The following ADGRL2 variants were observed in gnomAD, a reference collection of about 807,000 sequenced individuals.
ADGRL2 encodes the protein calcium-independent alpha-latrotoxin receptor 2.
Under a neutral mutation model 157.4 loss-of-function variants are expected in ADGRL2, and 44 were observed. That is an observed-to-expected ratio of 0.28 (90% CI 0.22 to 0.36). The LOEUF (loss-of-function observed/expected upper bound fraction) is 0.36. Ranked by LOEUF, ADGRL2 falls within the 10% of genes least tolerant of loss-of-function variation. The probability of loss-of-function intolerance (pLI) is 1.00; values close to 1 mark genes in which losing one functional copy is unlikely to be tolerated. For missense variants in ADGRL2, 1,510 were observed against 1,768.9 expected, an observed-to-expected ratio of 0.85 and a Z score of 2.63; for synonymous variants, 585 against 624.7, an observed-to-expected ratio of 0.94 and a Z score of 0.95.
chr1:81,526,882 C>T (rs767931045), intron 2 of ADGRL2, among the ~76,000 whole-genome samples: 2 of 152,202 alleles, frequency 1.3e-5, no homozygotes, highest in Non-Finnish European at 2.9e-5. Context: ...CTAACACAAG[C>T]GCACCTCCTT....
At chr1:81,342,231 A>G (rs1244716819) in intron 1 of ADGRL2, among the ~76,000 whole-genome samples, 1 of 152,352 alleles carries the variant, frequency 6.6e-6, no homozygotes, top group Middle Eastern at 3.4e-3. Context: ...AAATGCCCAA[A>G]TGAATCTACT....
chr1:81,349,329 T>C (rs1192057923), intron 1 of ADGRL2, among the ~76,000 whole-genome samples: 1 of 152,168 alleles, frequency 6.6e-6, no homozygotes, highest in Non-Finnish European at 1.5e-5. Flanking sequence ...TTTGTTTATA[T>C]GGTGTTCAGT....
chr1:81,758,340 C>T (rs1164613802), intron 1 of ADGRL2, among the ~76,000 whole-genome samples: 1 of 152,142 alleles, frequency 6.6e-6, no homozygotes, highest in African/African-American at 2.4e-5. Context: ...AGAGCCAAGT[C>T]AAGACTGAAA....
At chr1:81,438,432 A>G (rs1322500162) in intron 1 of ADGRL2, among the ~76,000 whole-genome samples, 1 of 152,180 alleles carries the variant, frequency 6.6e-6, no homozygotes, top group African/African-American at 2.4e-5. Flanking sequence ...CGTGTTGCTG[A>G]GGGTGTTTTT....
At chr1:81,554,345 C>T (rs2080220715) in intron 2 of ADGRL2, among the ~76,000 whole-genome samples, 2 of 152,166 alleles carry the variant, frequency 1.3e-5, no homozygotes, top group African/African-American at 2.4e-5. Flanking sequence ...CAGTCAAGAT[C>T]TCACTATTCT....
At chr1:81,753,876 C>T (rs1172758309) in intron 1 of ADGRL2, among the ~76,000 whole-genome samples, 1 of 152,088 alleles carries the variant, frequency 6.6e-6, no homozygotes, top group Non-Finnish European at 1.5e-5. Context: ...GAATGTCTTT[C>T]CCTAAAGGCA....
intron 1 of ADGRL2, among the ~76,000 whole-genome samples, chr1:81,379,197 G>C (rs1343041926): frequency 1.3e-5 from 2 of 152,180 alleles, no homozygotes; most frequent in Non-Finnish European, 2.9e-5. Context: ...TCTCCTCAAA[G>C]GGCGGGTGAT....
At chr1:81,971,728 A>C (rs1476427231) in intron 16 of ADGRL2, 124 bp from the exon 17 acceptor site, 1 of 570,286 alleles carries the variant, frequency 1.8e-6, no homozygotes. Context: ...TGCACATGAT[A>C]AATGAATCTT....
chr1:81,759,008 A>T (rs1438818171), intron 1 of ADGRL2, among the ~76,000 whole-genome samples: 1 of 152,128 alleles, frequency 6.6e-6, no homozygotes, highest in Non-Finnish European at 1.5e-5. Flanking sequence ...ATTAATGAGA[A>T]GTTAGCTTTT....
chr1:81,324,130 T>C (rs960655319), intron 1 of ADGRL2, among the ~76,000 whole-genome samples: 9 of 152,180 alleles, frequency 5.9e-5, no homozygotes, highest in East Asian at 1.9e-4. Context: ...TAAGAGGCTA[T>C]TGTAGTGGGA....
intron 1 of ADGRL2, among the ~76,000 whole-genome samples, chr1:81,431,929 C>T (rs564330328): frequency 2.6e-5 from 4 of 152,158 alleles, no homozygotes; most frequent in Non-Finnish European, 5.9e-5. Context: ...TCTCTTTAAA[C>T]AGAATGAAAT....
intron 2 of ADGRL2, among the ~76,000 whole-genome samples, chr1:81,563,876 A>G (rs1303377772): frequency 1.3e-5 from 2 of 152,176 alleles, no homozygotes; most frequent in African/African-American, 2.4e-5. Flanking sequence ...AACACTTTCT[A>G]AGTGCCTACT....
intron 2 of ADGRL2, among the ~76,000 whole-genome samples, chr1:81,507,335 T>A (rs2078996071): frequency 6.6e-6 from 1 of 152,158 alleles, no homozygotes. Flanking sequence ...GCACTAGCAT[T>A]AAGCAGTTCT....
intron 17 of ADGRL2, among the ~76,000 whole-genome samples, chr1:81,978,302 TCTCCGA>T (rs1660747925): frequency 6.6e-6 from 1 of 151,706 alleles, no homozygotes; most frequent in African/African-American, 2.4e-5. Context: ...TATTGTAACA[TCTCCGA>T]AAATTCAAGC....
intron 1 of ADGRL2, among the ~76,000 whole-genome samples, chr1:81,415,652 C>T (rs145433544): frequency 6.0e-4 from 91 of 152,232 alleles, no homozygotes; most frequent in African/African-American, 2.0e-3. Context: ...ATACTCCCTG[C>T]GAGTATGACC....
chr1:81,344,474 C>T (rs929610952), intron 1 of ADGRL2, among the ~76,000 whole-genome samples: 2 of 151,800 alleles, frequency 1.3e-5, no homozygotes, highest in African/African-American at 2.4e-5. Context: ...GTCGGGAGTT[C>T]GAGACCAGCC....
intron 2 of ADGRL2, among the ~76,000 whole-genome samples, chr1:81,449,774 A>G (rs567856703): frequency 7.9e-5 from 12 of 152,134 alleles, no homozygotes; most frequent in African/African-American, 2.7e-4. Flanking sequence ...TATTTTGTGT[A>G]GAGACAAGGT....
intron 3 of ADGRL2, among the ~76,000 whole-genome samples, chr1:81,598,539 C>T (rs1048596566): frequency 1.8e-4 from 27 of 152,164 alleles, no homozygotes; most frequent in African/African-American, 6.3e-4. Context: ...CATGCTAATA[C>T]TCTGCCAGTA....
rs374298535 is a variant in ADGRL2 at position 81,835,242 on chromosome 1, A to G, written c.-100-1643A>G. ...AGTAAAAATTCTTTGCTTGGAATCT[A>G]GAGTGGTCCAAAGGCTGACTTAATT... On this transcript the variant is annotated intron_variant, in intron 1 of 23. Coordinates refer to ENST00000686636, the MANE Select transcript of ADGRL2 (RefSeq NM_001366006.2). Among the ~76,000 whole-genome samples the G allele has an allele frequency of 2.0e-5, 3 of 152,272 alleles. No individual in the cohort carries two copies. The South Asian group carries it at 6.2e-4, about 32-fold the overall frequency.
Sources: allele counts gnomAD v4.1 joint callset (sites outside exome capture counted in the v4.1 genomes callset), GRCh38; gene constraint gnomAD v4.1.1; transcripts MANE v1.5; gene names NCBI Gene and HGNC (gene_info 2026-07-23, HGNC 2026-07-21).